Variants in VTCN1 observed in about 807,000 individuals in gnomAD.
The protein encoded by VTCN1 is V-set domain-containing T-cell activation inhibitor 1.
VTCN1 carries 26 observed loss-of-function variants against 26.5 expected under a neutral mutation model. That is an observed-to-expected ratio of 0.98 (90% CI 0.72 to 1.36). The LOEUF (loss-of-function observed/expected upper bound fraction) is 1.36, where lower values mean the gene tolerates loss of function less well. VTCN1 is among the 40% of genes most tolerant of loss of function. The probability of loss-of-function intolerance (pLI) is 0.00; values close to 1 mark genes in which losing one functional copy is unlikely to be tolerated. For synonymous variants in VTCN1, 116 were observed against 130.7 expected, an observed-to-expected ratio of 0.89 and a Z score of 0.77; for missense variants, 298 against 337.7, an observed-to-expected ratio of 0.88 and a Z score of 0.92.
At chr1:117,179,113 C>T (rs555462743) in intron 1 of VTCN1, among the ~76,000 whole-genome samples, 27 of 152,300 alleles carry the variant, frequency 1.8e-4, no homozygotes, top group African/African-American at 6.0e-4. Flanking sequence ...AACATGCATA[C>T]TTAGAACAGG....
intron 1 of VTCN1, among the ~76,000 whole-genome samples, chr1:117,203,184 C>T (rs1648872738): frequency 6.6e-6 from 1 of 151,966 alleles, no homozygotes; most frequent in Non-Finnish European, 1.5e-5. Flanking sequence ...GAAGGAGTAC[C>T]TGTCTGCTGG....
chr1:117,171,905 T>C (rs1320666233), intron 1 of VTCN1, among the ~76,000 whole-genome samples: 1 of 152,156 alleles, frequency 6.6e-6, no homozygotes, highest in Non-Finnish European at 1.5e-5. Context: ...CGATGGGGCG[T>C]GTCCCTTTTC....
rs954595983 is a variant in VTCN1, at chr1:117,155,743, G to T, written c.445+831C>A. ...GTGCAAGAAAGACCTGTGCATACTA[G>T]TTTAGGCTGGAAAGGCCCGGTTTCT... is the stretch of plus-strand genomic sequence containing the variant. On this transcript the variant is annotated intron_variant, in intron 3 of 5. Transcript: ENST00000369458. This position sits in a 1 kb window ranked among gnomAD's most constrained non-coding sequence, Gnocchi z 4.8. Among the ~76,000 whole-genome samples, 1 of 152,138 alleles carries T rather than the reference G, an allele frequency of 6.6e-6. No individual in the cohort carries two copies. The highest frequency in any genetic ancestry group is 2.4e-5 in the African/African-American group (1 of 41,430).
intron 3 of VTCN1, among the ~76,000 whole-genome samples, chr1:117,154,817 A>G (rs187192704): frequency 0.013 from 1,918 of 151,846 alleles, 19 homozygotes; most frequent in Non-Finnish European, 0.019. Flanking sequence ...AGAAAAGAAA[A>G]AAAAGAAAAA....
At chr1:117,170,651 C>T (rs1652861534) in intron 1 of VTCN1, among the ~76,000 whole-genome samples, 1 of 152,170 alleles carries the variant, frequency 6.6e-6, no homozygotes. Context: ...TACCCACTCA[C>T]ACCTCATCTA....
At chr1:117,156,289 G>C (rs1021689090) in intron 3 of VTCN1, among the ~76,000 whole-genome samples, 11 of 152,162 alleles carry the variant, frequency 7.2e-5, no homozygotes, top group Non-Finnish European at 1.5e-5. Flanking sequence ...AGCTGTACCA[G>C]GGGCTACCAC....
Position 117,153,240 on chromosome 1 carries a change from G to A in VTCN1, c.575C>T (p.Ser192Leu), listed in dbSNP as rs145818315. 3.9e-3 allele frequency: 6,288 copies of A among 1,614,098 alleles called. 16 individuals are homozygous for A. The highest frequency in any genetic ancestry group is 5.0e-3 in the Non-Finnish European group (5,901 of 1,179,988). The change falls in exon 4 of 6, where the codon TCG becomes TTG. Residue 192 changes from serine (S) to leucine (L), a missense_variant. Transcript: ENST00000369458. ...ASQVDQGANF[S>L]EVSNTSFELN... Reference sequence around the variant, plus strand: ...CTCAAAGCTGGTATTGGAGACTTCCGAGAAGTTGGCTCCCTGGTCAACTTG... The same window carrying A: ...CTCAAAGCTGGTATTGGAGACTTCCAAGAAGTTGGCTCCCTGGTCAACTTG...
At chr1:117,158,620 T>G (rs1652211063) in intron 2 of VTCN1, among the ~76,000 whole-genome samples, 1 of 152,148 alleles carries the variant, frequency 6.6e-6, no homozygotes, top group Non-Finnish European at 1.5e-5. Flanking sequence ...CCTGCAGACA[T>G]TTTCCCCATT....
intron 2 of VTCN1, among the ~76,000 whole-genome samples, chr1:117,160,336 G>C (rs536411712): frequency 6.6e-6 from 1 of 152,110 alleles, no homozygotes; most frequent in Admixed American, 6.5e-5. Context: ...CCAACATAAC[G>C]GGTCCTGAGC....
chr1:117,147,572 C>T lies in VTCN1; in HGVS notation c.*45+41G>A. 6.5e-7 allele frequency: 1 copy of T among 1,536,186 alleles called. No individual in the cohort carries two copies. The highest frequency in any genetic ancestry group is 8.8e-7 in the Non-Finnish European group (1 of 1,139,538). On this transcript the variant is annotated intron_variant, in intron 5 of 5. Transcript: ENST00000369458. This position sits in a 1 kb window ranked among gnomAD's most constrained non-coding sequence, Gnocchi z 4.6. ...CGACTCTCATTAGGAGCACAAGCACCCACAGAACCAATATCCCACACTATT... is the reference window on the plus strand; with the variant it reads ...CGACTCTCATTAGGAGCACAAGCACTCACAGAACCAATATCCCACACTATT...
chr1:117,210,270 G>A (rs1395319661), intron 1 of VTCN1, among the ~76,000 whole-genome samples: 2 of 151,868 alleles, frequency 1.3e-5, no homozygotes, highest in Admixed American at 6.6e-5. Context: ...GGAGCTCCTA[G>A]GAAAACTAGG....
At chr1:117,154,783 C>CAAAAAAAAAAAAAAAAAAA (rs916361996) in intron 3 of VTCN1, among the ~76,000 whole-genome samples, 2 of 39,834 alleles carry the variant, frequency 5.0e-5, no homozygotes, top group Non-Finnish European at 1.1e-4. Flanking sequence ...AACTCCATCT[C>CAAAAAAAAAAAAAAAAAAA]AAAAAAAAAA....
intron 1 of VTCN1, 62 bp downstream of exon 1, chr1:117,210,762 C>T: frequency 6.4e-7 from 1 of 1,571,626 alleles, no homozygotes; most frequent in Non-Finnish European, 8.8e-7. Context: ...TGCTCAGCAT[C>T]CCCAAAAGAC....
Position 117,145,121 on chromosome 1 carries a change from T to C in VTCN1, c.*150A>G, listed in dbSNP as rs1651444627. 1 of 152,034 alleles carries C rather than the reference T, an allele frequency of 6.6e-6. No individual in the cohort carries two copies. The highest frequency in any genetic ancestry group is 2.1e-4 in the South Asian group (1 of 4,830). The allele number at this position is 152,034 out of a possible 1,614,324, so 9.4% of individuals were successfully genotyped here. On this transcript the variant is annotated 3_prime_UTR_variant, in exon 6 of 6. Transcript: ENST00000369458. This position sits in a 1 kb window ranked among gnomAD's most constrained non-coding sequence, Gnocchi z 4.6. ...GCCTTCTGCTTTTGGCTTCTTTTTG[T>C]TTCTTGCTCTTGTTTGCTCACTCCA...
chr1:117,205,979 G>C (rs1649034312), intron 1 of VTCN1, among the ~76,000 whole-genome samples: 1 of 152,044 alleles, frequency 6.6e-6, no homozygotes, highest in African/African-American at 2.4e-5. Flanking sequence ...GGACCTCCCA[G>C]ATGCATCTCA....
In VTCN1 at chr1:117,201,558, C is replaced by A. The variant is rs1258845887; in HGVS notation, c.32+9266G>T. Among the ~76,000 whole-genome samples the A allele has an allele frequency of 2.0e-5, 3 of 152,276 alleles. No individual in the cohort carries two copies. In the East Asian group the frequency reaches 5.8e-4, roughly 29 times the overall value. On this transcript the variant is annotated intron_variant, in intron 1 of 5. Transcript: ENST00000369458. ...AGCCAGCAGCAATTTGCAAGCCTGCCCCTAATATTCCTTGCATACTGTCCT... is the reference window on the plus strand; with the variant it reads ...AGCCAGCAGCAATTTGCAAGCCTGCACCTAATATTCCTTGCATACTGTCCT...
intron 1 of VTCN1, among the ~76,000 whole-genome samples, chr1:117,200,292 T>G (rs1051880506): frequency 2.0e-5 from 3 of 152,018 alleles, no homozygotes; most frequent in Non-Finnish European, 2.9e-5. Context: ...CCCAGCTACC[T>G]GGGAGGCTGA....
Position 117,175,984 on chromosome 1 carries a change from G to T in VTCN1, c.33-5813C>A, listed in dbSNP as rs1423244783. Among the ~76,000 whole-genome samples, 4 of 151,950 alleles carry T rather than the reference G, an allele frequency of 2.6e-5. No individual in the cohort carries two copies. Among genetic ancestry groups the T allele is most frequent in the Admixed American group, 2.0e-4 (3 of 15,252 alleles). On this transcript the variant is annotated intron_variant, in intron 1 of 5. Transcript: ENST00000369458. This position sits in a 1 kb window ranked among gnomAD's most constrained non-coding sequence, Gnocchi z 4.2. ...AGGGTTTCACCATGTTGGCCAGGCT[G>T]GTCTTGAACTCCTGACCTCAGGTGA...
At chr1:117,203,667 G>A in intron 1 of VTCN1, 1 of 985,316 alleles carries the variant, frequency 1.0e-6, no homozygotes, top group Non-Finnish European at 1.2e-6. Context: ...ACCCATCTGT[G>A]GCTCTTTAGC....
Sources: allele counts gnomAD v4.1 joint callset (sites outside exome capture counted in the v4.1 genomes callset), GRCh38; gene constraint gnomAD v4.1.1; non-coding constraint Gnocchi (gnomAD v3.1); transcripts MANE v1.5; gene names NCBI Gene and HGNC (gene_info 2026-07-23, HGNC 2026-07-21).